The following B4GALNT2 variants were observed in gnomAD, a reference collection of about 807,000 sequenced individuals.
B4GALNT2 encodes the protein N-acetylneuraminylgalactosylglucosyl-glucoside beta-1,4-N- acetylgalactosaminyltransferase 2.
Under a neutral mutation model 51.1 loss-of-function variants are expected in B4GALNT2, and 42 were observed. That is an observed-to-expected ratio of 0.82 (90% CI 0.64 to 1.06). The LOEUF is 1.06. B4GALNT2 is among the 50% of genes least tolerant of loss of function. The pLI, the probability that B4GALNT2 is intolerant of heterozygous loss-of-function variation, is 0.00. For missense variants in B4GALNT2, 602 were observed against 633.6 expected (o/e 0.95, Z 0.54); for synonymous variants, 253 against 251.7 (o/e 1.01, Z -0.05).
At chr17:49,134,736 C>T (rs1296596416) in intron 1 of B4GALNT2, among the ~76,000 whole-genome samples, 1 of 152,108 alleles carries the variant, frequency 6.6e-6, no homozygotes, top group Admixed American at 6.5e-5. Context: ...TACAGGCGCA[C>T]GCCACCACGC....
chr17:49,174,220 GGGGGC>G lies in B4GALNT2; in HGVS notation c.*4493_*4497del, dbSNP rs1227997560. 7.2e-5 allele frequency: 11 copies of G among 152,064 alleles called. No individual in the cohort carries two copies. The highest frequency in any genetic ancestry group is 1.5e-5 in the Non-Finnish European group (1 of 68,008). 9.4% of individuals were successfully genotyped at this position (152,064 alleles called of 1,614,324 possible). A position where few individuals can be genotyped will look rare whatever the true frequency, so the allele number is the denominator to read the frequency against. Reference sequence around the variant, plus strand: ...ACATTGGAGTAATATTTCTCGAGTGGGGGGCAGCACAAAGTATATCGTCCATATAA... The same window carrying G: ...ACATTGGAGTAATATTTCTCGAGTGGAGCACAAAGTATATCGTCCATATAA... On this transcript the variant is annotated 3_prime_UTR_variant, in exon 11 of 11. Transcript: ENST00000393354.
chr17:49,147,680 A>G (rs1191038660), intron 3 of B4GALNT2, among the ~76,000 whole-genome samples: 1 of 151,838 alleles, frequency 6.6e-6, no homozygotes, highest in African/African-American at 2.4e-5. Flanking sequence ...CTGGCCAGAA[A>G]AAGTCCATTT....
intron 8 of B4GALNT2, among the ~76,000 whole-genome samples, chr17:49,165,649 C>A (rs1464664984): frequency 6.8e-6 from 1 of 146,322 alleles, no homozygotes; most frequent in African/African-American, 2.5e-5. Context: ...TTTCCCCCCA[C>A]CTCTCTCTCT....
At chr17:49,152,092 G>C (rs76799776) in intron 3 of B4GALNT2, among the ~76,000 whole-genome samples, 6,999 of 151,968 alleles carry the variant, frequency 0.046, 201 homozygotes, top group Middle Eastern at 0.11. Context: ...AATATGCTTT[G>C]TTAGCCAGGC....
rs1211646708 is a variant in B4GALNT2 at position 49,175,212 on chromosome 17, T to A, written c.*5484T>A. On this transcript the variant is annotated 3_prime_UTR_variant, in exon 11 of 11. Coordinates refer to ENST00000393354, the MANE Select transcript of B4GALNT2 (RefSeq NM_001159387.2). ...TACCAAACCTTTAAATTTCTTTCCC[T>A]GAATAGTTATTTCACAGGTAGGATG... 1 of 152,204 alleles carries A rather than the reference T, an allele frequency of 6.6e-6. No homozygotes were observed. The highest frequency in any genetic ancestry group is 1.5e-5 in the Non-Finnish European group (1 of 68,026). The allele number at this position is 152,204 out of a possible 1,614,324, so 9.4% of individuals were successfully genotyped here. A position where few individuals can be genotyped will look rare whatever the true frequency, so the allele number is the denominator to read the frequency against.
At chr17:49,152,961 C>T (rs2042774005) in intron 4 of B4GALNT2, 55 bp downstream of exon 4, 1 of 1,476,074 alleles carries the variant, frequency 6.8e-7, no homozygotes, top group East Asian at 2.4e-5. Context: ...TCTTCTAAGG[C>T]AAAAGGAGGG....
chr17:49,141,910 A>G, intron 2 of B4GALNT2, 125 bp from the exon 3 acceptor site: 2 of 1,267,008 alleles, frequency 1.6e-6, no homozygotes, highest in Non-Finnish European at 2.2e-6. Context: ...TCATCATCTC[A>G]GAACAGTTGG....
At chr17:49,168,517 T>C (rs929119588) in intron 9 of B4GALNT2, among the ~76,000 whole-genome samples, 164 bp from the exon 10 acceptor site, 1 of 152,146 alleles carries the variant, frequency 6.6e-6, no homozygotes, top group Non-Finnish European at 1.5e-5. Context: ...GTGAAAGCCA[T>C]GGCCACAGCA....
At chr17:49,164,015 T>G in intron 7 of B4GALNT2, 73 bp from the exon 8 acceptor site, 2 of 1,429,280 alleles carry the variant, frequency 1.4e-6, no homozygotes, top group Non-Finnish European at 1.9e-6. Flanking sequence ...AAAGAAGCCA[T>G]CAGATCAAAG....
At chr17:49,124,526 A>G in the B4GALNT2 span, among the ~76,000 whole-genome samples, 1 of 152,216 alleles carries the variant, frequency 6.6e-6, no homozygotes, top group Non-Finnish European at 1.5e-5. Context: ...AACATACACT[A>G]AGATATATCA....
upstream of B4GALNT2, among the ~76,000 whole-genome samples, chr17:49,128,020 G>C (rs1018727610): frequency 6.6e-6 from 1 of 152,188 alleles, no homozygotes; most frequent in Non-Finnish European, 1.5e-5. Flanking sequence ...CTCATAGCTT[G>C]GATATCCATT....
intron 3 of B4GALNT2, among the ~76,000 whole-genome samples, chr17:49,150,178 G>T (rs1307798623): frequency 8.6e-6 from 1 of 115,732 alleles, no homozygotes; most frequent in Non-Finnish European, 1.8e-5. Flanking sequence ...CCGGCCAGCC[G>T]CCCCGTCCGG....
chr17:49,139,241 TTTTG>T (rs1309368402), intron 1 of B4GALNT2, among the ~76,000 whole-genome samples: 1 of 149,184 alleles, frequency 6.7e-6, no homozygotes, highest in Non-Finnish European at 1.5e-5. Context: ...CAGTGGGCGT[TTTTG>T]TTTTTTTTTT....
chr17:49,130,973 AGCT>A (rs1352096781), upstream of B4GALNT2, among the ~76,000 whole-genome samples: 2 of 152,220 alleles, frequency 1.3e-5, no homozygotes, highest in Non-Finnish European at 2.9e-5. Context: ...TTCACAGAAC[AGCT>A]GGTGATACAG....
chr17:49,140,546 C>T (rs1444863870), intron 1 of B4GALNT2, among the ~76,000 whole-genome samples: 1 of 151,570 alleles, frequency 6.6e-6, no homozygotes, highest in African/African-American at 2.4e-5. Flanking sequence ...ATTTCTAATC[C>T]TTCTTTCATA....
intron 1 of B4GALNT2, among the ~76,000 whole-genome samples, chr17:49,140,268 T>A (rs1189407872): frequency 6.6e-6 from 1 of 151,822 alleles, no homozygotes; most frequent in African/African-American, 2.4e-5. Flanking sequence ...ACCCGACTAA[T>A]TTTTTGTATT....
At chr17:49,128,372 G>A (rs1176483495), upstream of B4GALNT2, among the ~76,000 whole-genome samples, 1 of 152,144 alleles carries the variant, frequency 6.6e-6, no homozygotes. Flanking sequence ...GGGCTGCCAG[G>A]GCAGAGGGTT....
chr17:49,138,536 T>G (rs956510929), intron 1 of B4GALNT2, among the ~76,000 whole-genome samples: 1 of 152,230 alleles, frequency 6.6e-6, no homozygotes, highest in Non-Finnish European at 1.5e-5. Context: ...GCAGGTTACT[T>G]TTCCTATTTA....
intron 4 of B4GALNT2, among the ~76,000 whole-genome samples, chr17:49,153,783 C>T (rs1432669993): frequency 6.6e-6 from 1 of 152,066 alleles, no homozygotes; most frequent in East Asian, 1.9e-4. Context: ...GCTGGGACTA[C>T]AGGCATGAGC....
Sources: gnomAD v4.1 joint callset for allele counts (sites outside exome capture counted in the v4.1 genomes callset) on GRCh38, gnomAD v4.1.1 for gene constraint, MANE v1.5 for transcripts, NCBI Gene and HGNC (gene_info 2026-07-23, HGNC 2026-07-21) for gene names.